ARHGEF28: variants seen among roughly 807,000 people sequenced by gnomAD.
The protein encoded by ARHGEF28 is Rho guanine nucleotide exchange factor 28.
In ARHGEF28, 152 loss-of-function variants were observed where a neutral mutation model predicts 206.6. That is an observed-to-expected ratio of 0.74 (90% CI 0.64 to 0.84). The LOEUF (loss-of-function observed/expected upper bound fraction) is 0.84. Ranked by LOEUF, ARHGEF28 falls within the 40% of genes least tolerant of loss-of-function variation. ARHGEF28 has a pLI of 0.00. For missense variants in ARHGEF28, 2,028 were observed against 2,073.2 expected, an observed-to-expected ratio of 0.98 and a Z score of 0.42; for synonymous variants, 763 against 776.4, an observed-to-expected ratio of 0.98 and a Z score of 0.29.
chr5:73,840,281 A>G (rs1201235565), intron 10 of ARHGEF28, among the ~76,000 whole-genome samples, 199 bp from the exon 11 acceptor site: 1 of 151,916 alleles, frequency 6.6e-6, no homozygotes, highest in African/African-American at 2.4e-5. Flanking sequence ...ACCCTGGCTA[A>G]TTTTTGTATT....
chr5:73,658,991 A>G (rs1044253042), intron 1 of ARHGEF28, among the ~76,000 whole-genome samples: 12 of 150,646 alleles, frequency 8.0e-5, no homozygotes, highest in Non-Finnish European at 1.5e-4. Context: ...ACACACACAC[A>G]CACACACACA....
At chr5:73,938,792 G>A (rs1265725212) in intron 35 of ARHGEF28, among the ~76,000 whole-genome samples, 1 of 152,180 alleles carries the variant, frequency 6.6e-6, no homozygotes, top group East Asian at 1.9e-4. Flanking sequence ...ATAGGATTCA[G>A]AGCATTCCAG....
intron 35 of ARHGEF28, among the ~76,000 whole-genome samples, chr5:73,926,742 G>A (rs1409610402): frequency 1.3e-5 from 2 of 152,208 alleles, no homozygotes; most frequent in African/African-American, 4.8e-5. Flanking sequence ...TCTCTTTGGA[G>A]AGTCTTTGAG....
intron 16 of ARHGEF28, among the ~76,000 whole-genome samples, chr5:73,861,411 C>T (rs1461452609): frequency 6.6e-6 from 1 of 152,136 alleles, no homozygotes; most frequent in East Asian, 1.9e-4. Flanking sequence ...GAGAAAAAGA[C>T]TATTAATATT....
At chr5:73,796,045 A>G (rs567949039) in intron 9 of ARHGEF28, among the ~76,000 whole-genome samples, 1 of 152,112 alleles carries the variant, frequency 6.6e-6, no homozygotes, top group Non-Finnish European at 1.5e-5. Flanking sequence ...CCCTTCCTAA[A>G]TCTCCTCCCA....
chr5:73,727,494 T>G (rs1311022222), intron 2 of ARHGEF28, among the ~76,000 whole-genome samples: 3 of 152,166 alleles, frequency 2.0e-5, no homozygotes, highest in African/African-American at 7.2e-5. Context: ...CTTCTAATGG[T>G]GACAAGAACC....
rs1758345486 is a variant in ARHGEF28, at chr5:73,846,199, G to T, written c.1428-69G>T. On this transcript the variant is annotated intron_variant, in intron 11 of 35. Transcript: ENST00000513042. ...CCCAGTGAAAGAATCTGGATTCAGAGAAGTAGAAACCAATGACGCTCTGTG... is the reference window on the plus strand; with the variant it reads ...CCCAGTGAAAGAATCTGGATTCAGATAAGTAGAAACCAATGACGCTCTGTG... 4.2e-6 allele frequency: 6 copies of T among 1,430,902 alleles called. No homozygotes were observed. The South Asian group carries it at 6.1e-5, about 15-fold the overall frequency. 88.6% of individuals were successfully genotyped at this position (1,430,902 alleles called of 1,614,324 possible).
At chr5:73,903,610 G>T (rs1042664591) in intron 31 of ARHGEF28, 1 of 153,384 alleles carries the variant, frequency 6.5e-6, no homozygotes, top group Non-Finnish European at 1.5e-5. Context: ...TGGCTGGTTC[G>T]TGGCCTCTGC....
intron 2 of ARHGEF28, among the ~76,000 whole-genome samples, chr5:73,713,694 C>T (rs372682670): frequency 6.6e-6 from 1 of 152,194 alleles, no homozygotes; most frequent in African/African-American, 2.4e-5. Context: ...GTAGGCTATT[C>T]TGAATACATG....
chr5:73,925,186 G>A (rs440859), intron 35 of ARHGEF28, among the ~76,000 whole-genome samples: 1 of 152,056 alleles, frequency 6.6e-6, no homozygotes, highest in Non-Finnish European at 1.5e-5. Flanking sequence ...CCATGTGCTG[G>A]AAGTCCCTCA....
chr5:73,875,446 G>A (rs74521237), intron 22 of ARHGEF28, among the ~76,000 whole-genome samples: 73,300 of 134,656 alleles, frequency 0.54, 19,131 homozygotes, highest in African/African-American at 0.65. Context: ...TGTCAATTTT[G>A]GCTTTTGTTG....
chr5:73,781,925 A>G (rs1753869990), intron 7 of ARHGEF28, among the ~76,000 whole-genome samples: 1 of 152,072 alleles, frequency 6.6e-6, no homozygotes, highest in Admixed American at 6.5e-5. Context: ...TGTTAATGTA[A>G]AGGGCATAGG....
At chr5:73,927,640 C>T (rs1017427911) in intron 35 of ARHGEF28, among the ~76,000 whole-genome samples, 3 of 151,708 alleles carry the variant, frequency 2.0e-5, no homozygotes, top group South Asian at 2.1e-4. Context: ...ACTATAGGCA[C>T]GAGCCACAAC....
intron 10 of ARHGEF28, among the ~76,000 whole-genome samples, chr5:73,837,783 C>A (rs1757748473): frequency 6.8e-6 from 1 of 146,410 alleles, no homozygotes. Context: ...CCTCTGTCAT[C>A]CAGGTGGGAG....
At chr5:73,694,164 CA>C (rs1334087606) in intron 2 of ARHGEF28, among the ~76,000 whole-genome samples, 1 of 152,208 alleles carries the variant, frequency 6.6e-6, no homozygotes. Context: ...CCTCTTCTCT[CA>C]ATACAATGCC....
intron 2 of ARHGEF28, among the ~76,000 whole-genome samples, chr5:73,724,533 C>T (rs542393000): frequency 1.3e-5 from 2 of 152,306 alleles, no homozygotes; most frequent in African/African-American, 2.4e-5. Flanking sequence ...CCCCAAAATT[C>T]CCTGTGCTGC....
chr5:73,794,608 C>CT (rs137906752), intron 8 of ARHGEF28, among the ~76,000 whole-genome samples, 154 bp downstream of exon 8: 3,245 of 132,556 alleles, frequency 0.024, 62 homozygotes, highest in Middle Eastern at 0.035. Flanking sequence ...CTTTTTCTTT[C>CT]TTTTTTTTTT....
intron 2 of ARHGEF28, among the ~76,000 whole-genome samples, chr5:73,724,374 C>T (rs1052257393): frequency 6.6e-6 from 1 of 152,088 alleles, no homozygotes; most frequent in Non-Finnish European, 1.5e-5. Context: ...AATAGAATTT[C>T]AGTTCTAAAT....
intron 29 of ARHGEF28, among the ~76,000 whole-genome samples, 166 bp from the exon 30 acceptor site, chr5:73,897,796 G>A (rs945341467): frequency 3.3e-5 from 5 of 152,204 alleles, no homozygotes; most frequent in Non-Finnish European, 5.9e-5. Flanking sequence ...GCGTGCGTAG[G>A]CACATGCCCA....
Sources: allele counts gnomAD v4.1 joint callset (sites outside exome capture counted in the v4.1 genomes callset), GRCh38; gene constraint gnomAD v4.1.1; transcripts MANE v1.5; gene names NCBI Gene and HGNC (gene_info 2026-07-23, HGNC 2026-07-21).